Variants in SRI observed in about 807,000 individuals in gnomAD.
SRI encodes sorcin, also known as 22 kDa protein.
Under a neutral mutation model 33.3 loss-of-function variants are expected in SRI, and 30 were observed. That is an observed-to-expected ratio of 0.90 (90% CI 0.67 to 1.22). The LOEUF is 1.22. Among genes scored for constraint, SRI ranks in the 50% most tolerant of loss-of-function variants. The probability of loss-of-function intolerance (pLI) is 0.00; values close to 1 mark genes in which losing one functional copy is unlikely to be tolerated. For synonymous variants in SRI, 75 were observed against 89.9 expected (o/e 0.83, Z 0.94); for missense variants, 243 against 250.8 (o/e 0.97, Z 0.21).
intron 1 of SRI, 51 bp downstream of exon 1, chr7:88,219,925 C>G (rs752122350): frequency 6.5e-7 from 1 of 1,533,830 alleles, no homozygotes; most frequent in South Asian, 1.2e-5. Flanking sequence ...AAGGTGGCCT[C>G]TTAGCGCCCC....
At chr7:88,216,821 C>A in intron 3 of SRI, 1 of 386,248 alleles carries the variant, frequency 2.6e-6, no homozygotes, top group East Asian at 5.4e-5. Flanking sequence ...GTTGCTCAGG[C>A]TGGAGTGCAG....
upstream of SRI, among the ~76,000 whole-genome samples, chr7:88,220,791 A>T (rs1329913677): frequency 6.6e-6 from 1 of 152,234 alleles, no homozygotes; most frequent in East Asian, 1.9e-4. Flanking sequence ...CAGACAAAAC[A>T]ATCCATTTCC....
chr7:88,218,662 A>G, intron 2 of SRI, 197 bp downstream of exon 2: 1 of 541,550 alleles, frequency 1.8e-6, no homozygotes, highest in Non-Finnish European at 3.3e-6. Flanking sequence ...AACTCACATA[A>G]ATACGAGTAA....
chr7:88,226,023 C>T (rs1256751963), intron 1 of SRI, among the ~76,000 whole-genome samples: 1 of 152,026 alleles, frequency 6.6e-6, no homozygotes, highest in Non-Finnish European at 1.5e-5. Flanking sequence ...TTACTTGTGA[C>T]CATTACCATG....
chr7:88,219,871 G>A, intron 1 of SRI, 105 bp downstream of exon 1: 2 of 1,388,132 alleles, frequency 1.4e-6, no homozygotes, highest in South Asian at 1.3e-5. Context: ...AGGAGCCCGG[G>A]TAGCCGCCCA....
intron 1 of SRI, among the ~76,000 whole-genome samples, chr7:88,226,016 C>G (rs1245497930): frequency 3.3e-5 from 5 of 152,102 alleles, no homozygotes; most frequent in Admixed American, 3.3e-4. Context: ...ACATCTTTTA[C>G]TTGTGACCAT....
rs374273656 is a variant in SRI, at chr7:88,212,531, G to T, written c.206-1606C>A. Among the ~76,000 whole-genome samples, 23 of 152,256 alleles carry T rather than the reference G, an allele frequency of 1.5e-4. No individual in the cohort carries two copies. In the East Asian group the frequency reaches 4.3e-3, roughly 28 times the overall value. ...CAGGAACTCTGAGTGTGGGACCCAG[G>T]TATTTGTATTTTTAAAAAGCTTTTC... is the stretch of plus-strand genomic sequence containing the variant. On this transcript the variant is annotated intron_variant, in intron 3 of 7. Coordinates refer to ENST00000265729, the MANE Select transcript of SRI (RefSeq NM_003130.4).
upstream of SRI, among the ~76,000 whole-genome samples, chr7:88,223,462 C>T (rs889184081): frequency 6.6e-6 from 1 of 151,968 alleles, no homozygotes; most frequent in Non-Finnish European, 1.5e-5. Context: ...GGCCTGTGGG[C>T]CATACAGTCT....
At chr7:88,210,696 C>A (rs961696030) in intron 4 of SRI, 186 bp downstream of exon 4, 2 of 579,678 alleles carry the variant, frequency 3.5e-6, no homozygotes, top group African/African-American at 1.9e-5. Context: ...GAACAACATT[C>A]TGTTTACTAA....
intron 1 of SRI, 53 bp downstream of exon 1, chr7:88,219,923 C>G (rs1851842551): frequency 1.3e-6 from 2 of 1,532,482 alleles, no homozygotes; most frequent in Non-Finnish European, 1.8e-6. Flanking sequence ...CCAAGGTGGC[C>G]TCTTAGCGCC....
intron 3 of SRI, among the ~76,000 whole-genome samples, chr7:88,216,272 C>T (rs1451958302): frequency 6.6e-6 from 1 of 152,152 alleles, no homozygotes; most frequent in East Asian, 1.9e-4. Flanking sequence ...GCCACTGTGC[C>T]CTGCCAGGGA....
upstream of SRI, among the ~76,000 whole-genome samples, chr7:88,223,719 C>A (rs1851938437): frequency 6.6e-6 from 1 of 152,072 alleles, no homozygotes; most frequent in Non-Finnish European, 1.5e-5. Flanking sequence ...ATTCTGAGCT[C>A]TTGGATGTAC....
intron 2 of SRI, among the ~76,000 whole-genome samples, chr7:88,218,523 G>C (rs1017180582): frequency 2.0e-5 from 3 of 152,164 alleles, no homozygotes; most frequent in Non-Finnish European, 4.4e-5. Context: ...CATTAGAATC[G>C]AGCTATGTAA....
upstream of SRI, among the ~76,000 whole-genome samples, chr7:88,223,074 T>C (rs768515644): frequency 7.2e-5 from 11 of 151,966 alleles, no homozygotes; most frequent in Non-Finnish European, 1.6e-4. Flanking sequence ...ACCTACAAAA[T>C]GGGAGAAAAT....
At chr7:88,209,300 T>C in intron 6 of SRI, 39 bp downstream of exon 6, 1 of 1,506,232 alleles carries the variant, frequency 6.6e-7, no homozygotes. Flanking sequence ...AAAAACTGTG[T>C]CTTGGCTTGT....
chr7:88,223,367 C>G (rs1273427343), upstream of SRI, among the ~76,000 whole-genome samples: 1 of 152,164 alleles, frequency 6.6e-6, no homozygotes, highest in Non-Finnish European at 1.5e-5. Flanking sequence ...CAGAACAGAG[C>G]TGAGCTATGC....
intron 1 of SRI, among the ~76,000 whole-genome samples, chr7:88,226,008 A>G (rs568180051): frequency 3.9e-5 from 6 of 152,304 alleles, no homozygotes; most frequent in African/African-American, 1.4e-4. Context: ...AAGTCTCTAC[A>G]TCTTTTACTT....
intron 2 of SRI, among the ~76,000 whole-genome samples, chr7:88,217,969 T>A (rs529553007): frequency 6.6e-6 from 1 of 152,384 alleles, no homozygotes; most frequent in African/African-American, 2.4e-5. Flanking sequence ...ATATTTTCCA[T>A]TCAATTTCTT....
intron 1 of SRI, among the ~76,000 whole-genome samples, chr7:88,225,206 T>C (rs1321174534): frequency 6.6e-6 from 1 of 152,146 alleles, no homozygotes; most frequent in Non-Finnish European, 1.5e-5. Context: ...TGAGCTGGAG[T>C]TGATGATCAG....
Sources: gnomAD v4.1 joint callset for allele counts (sites outside exome capture counted in the v4.1 genomes callset) on GRCh38, gnomAD v4.1.1 for gene constraint, MANE v1.5 for transcripts, NCBI Gene and HGNC (gene_info 2026-07-23, HGNC 2026-07-21) for gene names.